The following CHAF1B variants were observed in gnomAD, a reference collection of about 807,000 sequenced individuals.
CHAF1B encodes chromatin assembly factor 1 subunit B, also known as CAF-1 subunit B.
CHAF1B carries 10 observed loss-of-function variants against 60.7 expected under a neutral mutation model. The ratio of observed to expected loss-of-function variants is 0.16; its 90% confidence interval spans 0.10 to 0.28. CHAF1B has a LOEUF of 0.28. Among genes scored for constraint, CHAF1B ranks in the 10% least tolerant of loss-of-function variants. CHAF1B has a pLI of 1.00. For synonymous variants in CHAF1B, 261 were observed against 266.1 expected (o/e 0.98, Z 0.19); for missense variants, 558 against 708.4 (o/e 0.79, Z 2.41).
chr21:36,409,312 CT>C, intron 9 of CHAF1B, 61 bp from the exon 10 acceptor site: 3 of 1,375,040 alleles, frequency 2.2e-6, no homozygotes, highest in Non-Finnish European at 3.1e-6. Context: ...AAATGTTTAC[CT>C]TTTATTTTTG....
At chr21:36,404,502 T>A (rs1247363622) in intron 8 of CHAF1B, among the ~76,000 whole-genome samples, 1 of 149,426 alleles carries the variant, frequency 6.7e-6, no homozygotes, top group Non-Finnish European at 1.5e-5. Context: ...TGGCACGATC[T>A]CGGCTCACAG....
At chr21:36,402,709 G>A in intron 7 of CHAF1B, 49 bp from the exon 8 acceptor site, 2 of 1,476,874 alleles carry the variant, frequency 1.4e-6, no homozygotes, top group South Asian at 1.2e-5. Flanking sequence ...AGCTTTGTGT[G>A]TAGAAAACAA....
intron 5 of CHAF1B, 49 bp from the exon 6 acceptor site, chr21:36,397,366 A>G (rs762257041): frequency 9.6e-6 from 9 of 938,050 alleles, no homozygotes; most frequent in Non-Finnish European, 3.2e-6. Flanking sequence ...GGGCTCAAAC[A>G]GGTTTTGGTA....
rs956684681 is a variant in CHAF1B, at chr21:36,417,145, C to T, written c.*779C>T. 1 of 151,702 alleles carries T rather than the reference C, an allele frequency of 6.6e-6. No homozygotes were observed. Among genetic ancestry groups the T allele is most frequent in the Non-Finnish European group, 1.5e-5 (1 of 67,992 alleles). The allele number at this position is 151,702 out of a possible 1,614,324, so 9.4% of individuals were successfully genotyped here. On this transcript the variant is annotated 3_prime_UTR_variant, in exon 14 of 14. Transcript: ENST00000314103. ...GGAGTGCAGTGGCGCTATCTCAGCTCACTGCAGCCTCGACCTCCTGGGCTC... is the reference window on the plus strand; with the variant it reads ...GGAGTGCAGTGGCGCTATCTCAGCTTACTGCAGCCTCGACCTCCTGGGCTC...
chr21:36,404,992 C>G (rs2146371229), intron 8 of CHAF1B, among the ~76,000 whole-genome samples: 1 of 152,216 alleles, frequency 6.6e-6, no homozygotes, highest in African/African-American at 2.4e-5. Context: ...GATCTGCCCA[C>G]CTTGGCCTCC....
rs749390019 is a variant in CHAF1B at position 36,416,288 on chromosome 21, C to T, written c.1602C>T (p.Asp534=). ...TEEIQSETPG[D]AQGSPPELKR... is the part of the protein sequence containing the mutation. ...TTAATGTTGCAGAGACGCCTGGAGA[C>T]GCTCAGGGCAGTCCCCCAGAGCTAA... Residue 534 remains aspartate, a synonymous_variant, in exon 14 of 14, where the codon GAC becomes GAT. Transcript: ENST00000314103. The T allele has an allele frequency of 1.8e-5, 29 of 1,613,336 alleles. No homozygotes were observed. The highest frequency in any genetic ancestry group is 6.7e-5 in the East Asian group (3 of 44,884).
At chr21:36,414,452 C>T (rs944718175) in intron 12 of CHAF1B, among the ~76,000 whole-genome samples, 1 of 152,114 alleles carries the variant, frequency 6.6e-6, no homozygotes, top group African/African-American at 2.4e-5. Flanking sequence ...TACAATTTTT[C>T]TGTTTGTTTT....
intron 13 of CHAF1B, 22 bp downstream of exon 13, chr21:36,415,411 T>A: frequency 2.2e-6 from 3 of 1,376,784 alleles, no homozygotes; most frequent in Non-Finnish European, 3.1e-6. Context: ...TGTTACTGGT[T>A]TAATATAATG....
At chr21:36,389,806 C>T (rs957565800) in intron 3 of CHAF1B, among the ~76,000 whole-genome samples, 23 of 120,236 alleles carry the variant, frequency 1.9e-4, no homozygotes, top group African/African-American at 7.6e-5. Flanking sequence ...TGTGTGCGCG[C>T]GCACGCTGAT....
chr21:36,410,424 A>T (rs1202767231), intron 10 of CHAF1B, among the ~76,000 whole-genome samples: 1 of 152,142 alleles, frequency 6.6e-6, no homozygotes, highest in Non-Finnish European at 1.5e-5. Flanking sequence ...GTATTATATT[A>T]GGTCCTTTGA....
chr21:36,391,509 T>C, intron 3 of CHAF1B, 42 bp from the exon 4 acceptor site: 1 of 1,109,094 alleles, frequency 9.0e-7, no homozygotes, highest in Non-Finnish European at 1.4e-6. Flanking sequence ...TATGAAGGAG[T>C]GTGGGTGAAG....
intron 1 of CHAF1B, 49 bp from the exon 2 acceptor site, chr21:36,386,011 C>A: frequency 8.5e-7 from 1 of 1,180,158 alleles, no homozygotes; most frequent in Non-Finnish European, 1.2e-6. Flanking sequence ...CTATTCAGCG[C>A]TCAATAACCC....
In CHAF1B at chr21:36,413,306, C is replaced by G; in HGVS notation, c.1484C>G (p.Thr495Arg). ...TLNTLQAWSK[T>R]TPRRINLTPL... ...AACACACTGCAAGCCTGGAGCAAGA[C>G]AACACCCCGGTAAGAACTTGTTGGA... The change falls in exon 12 of 14, where the codon ACA (threonine) becomes AGA (arginine). Residue 495 changes from threonine to arginine, a missense_variant. Physicochemically the swap from Thr to Arg is moderately conservative, Grantham distance 71. Coordinates refer to ENST00000314103, the MANE Select transcript of CHAF1B (RefSeq NM_005441.3). 6.4e-7 allele frequency: 1 copy of G among 1,571,666 alleles called. No individual in the cohort carries two copies. Among genetic ancestry groups the G allele is most frequent in the African/African-American group, 1.4e-5 (1 of 73,104 alleles).
At chr21:36,386,336 G>T (rs1047554121) in intron 2 of CHAF1B, 74 bp downstream of exon 2, 4 of 1,564,594 alleles carry the variant, frequency 2.6e-6, no homozygotes, top group African/African-American at 1.4e-5. Flanking sequence ...CTTAAAACCA[G>T]TGTCGGCTGG....
In CHAF1B at chr21:36,415,406, CT is replaced by C; in HGVS notation, c.1588+18del. ...TTCAGTCAGGTAAGTAATATTGTTA[CT>C]GGTTTAATATAATGAAAGGTAGAGT... On this transcript the variant is annotated intron_variant, in intron 13 of 13. Transcript: ENST00000314103. 7.0e-7 allele frequency: 1 copy of C among 1,429,312 alleles called. No homozygotes were observed. The highest frequency in any genetic ancestry group is 9.9e-7 in the Non-Finnish European group (1 of 1,013,378). The allele number at this position is 1,429,312 out of a possible 1,614,324, so 88.5% of individuals were successfully genotyped here. A position where few individuals can be genotyped will look rare whatever the true frequency, so the allele number is the denominator to read the frequency against.
chr21:36,388,207 G>C (rs1326887713), intron 3 of CHAF1B, among the ~76,000 whole-genome samples: 1 of 152,120 alleles, frequency 6.6e-6, no homozygotes, highest in African/African-American at 2.4e-5. Flanking sequence ...TAGGGAATGT[G>C]GTAGAGTCAG....
At position 36,412,899 on chromosome 21, in the gene CHAF1B, C is replaced by G; in HGVS notation, c.1077C>G (p.Ala359=). Residue 359 remains alanine, a synonymous_variant, in exon 12 of 14, where the codon GCC becomes GCG. Transcript: ENST00000314103. ...GGGGACGAAGGTCCAGCGATGGTGC[C>G]TTCCTGGCCATTTCTTCCACGGACG... The part of the protein sequence containing the change: ...LSDISWSSDG[A]FLAISSTDGY... 1 of 1,613,642 alleles carries G rather than the reference C, an allele frequency of 6.2e-7. No homozygotes were observed. Among genetic ancestry groups the G allele is most frequent in the South Asian group, 1.1e-5 (1 of 91,010 alleles).
chr21:36,393,884 G>C (rs1367901080), intron 4 of CHAF1B, among the ~76,000 whole-genome samples: 1 of 151,888 alleles, frequency 6.6e-6, no homozygotes, highest in African/African-American at 2.4e-5. Flanking sequence ...GTCCGTTTTT[G>C]AGTTAATAAT....
rs527561020 is a variant in CHAF1B at position 36,414,339 on chromosome 21, G to A, written c.1494-956G>A. ...CCCTGTGCCTCTCAGCCTCTCCTGC[G>A]CCAATAGGTCTTCTTTGGCAAGTTC... On this transcript the variant is annotated intron_variant, in intron 12 of 13. Transcript: ENST00000314103. 8.0e-4 allele frequency among the ~76,000 whole-genome samples: 122 copies of A among 152,304 alleles called. 1 individual carries two copies. The highest frequency in any genetic ancestry group is 1.5e-3 in the Non-Finnish European group (103 of 68,026).
Sources: allele counts gnomAD v4.1 joint callset (sites outside exome capture counted in the v4.1 genomes callset), GRCh38; gene constraint gnomAD v4.1.1; transcripts MANE v1.5; gene names NCBI Gene and HGNC (gene_info 2026-07-23, HGNC 2026-07-21).